RNF180: variants seen among roughly 807,000 people sequenced by gnomAD.
RNF180 encodes the protein ring finger protein 180.
A neutral mutation model predicts 59.2 loss-of-function variants in RNF180; 38 were observed. The observed-to-expected ratio is 0.64, with a 90% CI of 0.50 to 0.84. The LOEUF (loss-of-function observed/expected upper bound fraction) is 0.84, where lower values mean the gene tolerates loss of function less well. Among genes scored for constraint, RNF180 ranks in the 40% least tolerant of loss-of-function variants. The pLI is 0.00. For missense variants in RNF180, 705 were observed against 700.9 expected (o/e 1.01, Z -0.07); for synonymous variants, 262 against 240.3 (o/e 1.09, Z -0.84).
intron 6 of RNF180, among the ~76,000 whole-genome samples, chr5:64,326,432 T>A (rs965848794): frequency 2.0e-5 from 3 of 152,192 alleles, no homozygotes; most frequent in African/African-American, 7.2e-5. Context: ...GTAAAATCTA[T>A]AACTCCATTT....
chr5:64,336,015 CCTCTT>C (rs1345779602), intron 7 of RNF180, among the ~76,000 whole-genome samples: 1 of 151,976 alleles, frequency 6.6e-6, no homozygotes, highest in African/African-American at 2.4e-5. Context: ...GCTATGTTGT[CCTCTT>C]CTCTCCTTTT....
intron 1 of RNF180, among the ~76,000 whole-genome samples, chr5:64,199,744 CT>C (rs1751641323): frequency 1.3e-5 from 2 of 152,166 alleles, no homozygotes; most frequent in Non-Finnish European, 1.5e-5. Flanking sequence ...TGTTGCCTTT[CT>C]TTGTAATGGA....
chr5:64,261,379 G>T (rs1744330973), intron 5 of RNF180, among the ~76,000 whole-genome samples: 1 of 152,070 alleles, frequency 6.6e-6, no homozygotes, highest in Admixed American at 6.6e-5. Context: ...TCAAGCCTGG[G>T]TAATCCTGAT....
chr5:64,285,554 G>A (rs1742237239), intron 5 of RNF180, among the ~76,000 whole-genome samples: 1 of 152,144 alleles, frequency 6.6e-6, no homozygotes, highest in South Asian at 2.1e-4. Flanking sequence ...GGTCAAGTCA[G>A]CTGGAGCTCT....
rs75072975 is a variant in RNF180, at chr5:64,199,185, C to T, written c.1-1623C>T. Among the ~76,000 whole-genome samples, 225 of 152,246 alleles carry T rather than the reference C, an allele frequency of 1.5e-3. 1 individual carries two copies. Among genetic ancestry groups the T allele is most frequent in the African/African-American group, 5.2e-3 (216 of 41,550 alleles). ...TGGAGTGGTCAACTGGGCTAAGATG[C>T]ATTCTGAAGATGGGTCAGTAGAGAC... On this transcript the variant is annotated intron_variant, in intron 1 of 7. Coordinates refer to ENST00000389100, the MANE Select transcript of RNF180 (RefSeq NM_001113561.2).
intron 5 of RNF180, among the ~76,000 whole-genome samples, chr5:64,300,459 A>G (rs999904945): frequency 2.6e-5 from 4 of 151,740 alleles, no homozygotes; most frequent in African/African-American, 7.3e-5. Context: ...TTAATTTACA[A>G]TGGGTTAACT....
intron 7 of RNF180, among the ~76,000 whole-genome samples, chr5:64,339,806 C>T (rs1048419581): frequency 4.6e-5 from 7 of 151,968 alleles, no homozygotes; most frequent in Non-Finnish European, 1.0e-4. Context: ...TAATACTTGT[C>T]CTTTTCACCC....
intron 5 of RNF180, among the ~76,000 whole-genome samples, chr5:64,306,468 C>T (rs1326666379): frequency 2.0e-5 from 3 of 151,498 alleles, no homozygotes; most frequent in Non-Finnish European, 4.4e-5. Context: ...TAAATTTAAA[C>T]TAAAACCAGA....
intron 1 of RNF180, among the ~76,000 whole-genome samples, chr5:64,184,105 A>T (rs1750754169): frequency 6.6e-6 from 1 of 152,206 alleles, no homozygotes; most frequent in Non-Finnish European, 1.5e-5. Flanking sequence ...AGGAAAGATC[A>T]TGTGAGGACA....
intron 7 of RNF180, among the ~76,000 whole-genome samples, chr5:64,364,324 A>G (rs574790588): frequency 1.2e-4 from 18 of 151,790 alleles, no homozygotes; most frequent in African/African-American, 3.9e-4. Flanking sequence ...TTCTGCATCT[A>G]TTGAGATGAT....
At position 64,213,584 on chromosome 5, in the gene RNF180, T is replaced by C; in HGVS notation, c.258T>C (p.Asn86=). ...QKAQWTVGKL[N]CPFCGARLGG... ...CCCAGTGGACAGTTGGAAAACTGAA[T>C]TGTCCTTTCTGTGGGGCCCGTTTAG... is the stretch of plus-strand genomic sequence containing the variant. The change falls in exon 4 of 8, where the codon AAT becomes AAC. Residue 86 remains asparagine (N), a synonymous_variant. Transcript: ENST00000389100. 1 of 1,613,750 alleles carries C rather than the reference T, an allele frequency of 6.2e-7. No individual in the cohort carries two copies.
chr5:64,195,305 C>A (rs1239712599), intron 1 of RNF180, among the ~76,000 whole-genome samples: 1 of 152,094 alleles, frequency 6.6e-6, no homozygotes, highest in African/African-American at 2.4e-5. Flanking sequence ...TTAAACCAAG[C>A]ATATTTACTA....
intron 5 of RNF180, among the ~76,000 whole-genome samples, chr5:64,255,236 G>T (rs1743863003): frequency 6.6e-6 from 1 of 151,820 alleles, no homozygotes; most frequent in African/African-American, 2.4e-5. Flanking sequence ...TAAGTTCTAG[G>T]GTACATGTGC....
In RNF180 at chr5:64,277,321, G is replaced by A. The variant is rs546695955; in HGVS notation, c.1228-47865G>A. Among the ~76,000 whole-genome samples the A allele has an allele frequency of 5.3e-5, 8 of 152,180 alleles. No individual in the cohort carries two copies. In the South Asian group the frequency reaches 1.0e-3, roughly 20 times the overall value. ...TAAAAAGCAGGAATGAGATCATCCTGTTTATGTAAAATATGTATCTAAGTT... is the reference window on the plus strand; with the variant it reads ...TAAAAAGCAGGAATGAGATCATCCTATTTATGTAAAATATGTATCTAAGTT... On this transcript the variant is annotated intron_variant, in intron 5 of 7. Coordinates refer to ENST00000389100, the MANE Select transcript of RNF180 (RefSeq NM_001113561.2).
chr5:64,290,401 C>T (rs1742515671), intron 5 of RNF180, among the ~76,000 whole-genome samples: 1 of 152,224 alleles, frequency 6.6e-6, no homozygotes, highest in Admixed American at 6.5e-5. Flanking sequence ...TATGCTTGAT[C>T]CAGAGCTGAG....
intron 1 of RNF180, among the ~76,000 whole-genome samples, chr5:64,177,565 A>ATATATG (rs1184255289): frequency 7.8e-6 from 1 of 128,058 alleles, no homozygotes; most frequent in African/African-American, 3.0e-5. Context: ...ATATATATAT[A>ATATATG]TGTATTTATT....
rs183073614 is a variant in RNF180 at position 64,236,018 on chromosome 5, A to G, written c.1227+18622A>G. Among the ~76,000 whole-genome samples the G allele has an allele frequency of 2.6e-5, 4 of 152,366 alleles. No homozygotes were observed. In the East Asian group the frequency reaches 7.7e-4, roughly 29 times the overall value. On this transcript the variant is annotated intron_variant, in intron 5 of 7. Transcript: ENST00000389100. The stretch of plus-strand genomic sequence containing the variant: ...AGAATTGGTACGAGCAGAGTAAGGT[A>G]CTGCTATAAAGATAGCCTGAAAATG...
rs1178358107 is a variant in RNF180 at position 64,370,257 on chromosome 5, C to T, written c.*443C>T. 6.6e-6 allele frequency: 1 copy of T among 152,236 alleles called. No individual in the cohort carries two copies. The highest frequency in any genetic ancestry group is 2.4e-5 in the African/African-American group (1 of 41,362). 9.4% of individuals were successfully genotyped at this position (152,236 alleles called of 1,614,324 possible). A position where few individuals can be genotyped will look rare whatever the true frequency, so the allele number is the denominator to read the frequency against. On this transcript the variant is annotated 3_prime_UTR_variant, in exon 8 of 8. Coordinates refer to ENST00000389100, the MANE Select transcript of RNF180 (RefSeq NM_001113561.2). The stretch of plus-strand genomic sequence containing the variant: ...CAAATTATATGTATTAAAGATAAAC[C>T]ATATTCTCTGGGAACTAATCTAGCA...
intron 1 of RNF180, among the ~76,000 whole-genome samples, chr5:64,192,604 G>A (rs776573058): frequency 1.3e-5 from 2 of 151,880 alleles, no homozygotes; most frequent in African/African-American, 2.4e-5. Flanking sequence ...CCCAGGAAGC[G>A]GAGGTTGCTG....
Sources: allele counts gnomAD v4.1 joint callset (sites outside exome capture counted in the v4.1 genomes callset), GRCh38; gene constraint gnomAD v4.1.1; transcripts MANE v1.5; gene names NCBI Gene and HGNC (gene_info 2026-07-23, HGNC 2026-07-21).